Variants in DCC observed in about 807,000 individuals in gnomAD.
DCC encodes DCC netrin 1 receptor.
DCC carries 58 observed loss-of-function variants against 172.5 expected under a neutral mutation model. The ratio of observed to expected loss-of-function variants is 0.34; its 90% confidence interval spans 0.27 to 0.42. The LOEUF (loss-of-function observed/expected upper bound fraction) is 0.42. Among genes scored for constraint, DCC ranks in the 10% least tolerant of loss-of-function variants. DCC has a pLI of 1.00. For synonymous variants in DCC, 709 were observed against 644.5 expected, an observed-to-expected ratio of 1.10 and a Z score of -1.52; for missense variants, 1,740 against 1,791.0, an observed-to-expected ratio of 0.97 and a Z score of 0.51.
intron 2 of DCC, among the ~76,000 whole-genome samples, chr18:52,783,734 TAC>T (rs1383280713): frequency 1.3e-5 from 2 of 151,964 alleles, no homozygotes. Context: ...TGTGTGTATG[TAC>T]ACACACACTT....
chr18:52,711,645 T>C (rs1388803712), intron 1 of DCC, among the ~76,000 whole-genome samples: 4 of 152,280 alleles, frequency 2.6e-5, no homozygotes, highest in Middle Eastern at 3.4e-3. Flanking sequence ...CTTAAAACCA[T>C]AGCCCCTTTG....
Position 53,090,698 on chromosome 18 carries a change from CAAAAAAAAAAAAAAAAAAA to C in DCC, c.1261+24550_1261+24568del, listed in dbSNP as rs59898050. Among the ~76,000 whole-genome samples, 109 of 39,360 alleles carry C rather than the reference CAAAAAAAAAAAAAAAAAAA, an allele frequency of 2.8e-3. 2 individuals carry two copies. The highest frequency in any genetic ancestry group is 0.014 in the South Asian group (14 of 1,026). The allele number at this position is 39,360 out of a possible 152,430, so 25.8% of individuals were successfully genotyped here. On this transcript the variant is annotated intron_variant, in intron 7 of 28. Coordinates refer to ENST00000442544, the MANE Select transcript of DCC (RefSeq NM_005215.4). ...GACAGAGCGAAACTCCGTCCCCCAACAAAAAAAAAAAAAAAAAAAAAAAAAAAAAAAAAAAAGAATGTAT... is the reference window on the plus strand; with the variant it reads ...GACAGAGCGAAACTCCGTCCCCCAACAAAAAAAAAAAAAAAAAGAATGTAT...
intron 12 of DCC, among the ~76,000 whole-genome samples, chr18:53,262,929 G>T (rs2056622949): frequency 6.6e-6 from 1 of 152,088 alleles, no homozygotes; most frequent in African/African-American, 2.4e-5. Context: ...AAATATTAGT[G>T]ATTTTGTAAA....
intron 1 of DCC, among the ~76,000 whole-genome samples, chr18:52,605,694 A>T (rs1056927146): frequency 1.4e-4 from 22 of 152,126 alleles, no homozygotes; most frequent in Non-Finnish European, 2.5e-4. Flanking sequence ...CAGTTGGATG[A>T]TATTGCTATC....
chr18:53,075,602 T>G (rs2042715446), intron 7 of DCC, among the ~76,000 whole-genome samples: 1 of 151,814 alleles, frequency 6.6e-6, no homozygotes, highest in African/African-American at 2.4e-5. Context: ...AGAATGCTGG[T>G]TTTTATATTG....
chr18:52,943,904 G>C (rs574809324), intron 5 of DCC, among the ~76,000 whole-genome samples: 1 of 152,064 alleles, frequency 6.6e-6, no homozygotes, highest in South Asian at 2.1e-4. Flanking sequence ...TGCCTGCCAC[G>C]ACAACCGGCT....
chr18:53,308,455 AGTT>A (rs33960353), intron 13 of DCC, among the ~76,000 whole-genome samples: 20,319 of 151,968 alleles, frequency 0.13, 2,183 homozygotes, highest in African/African-American at 0.29. Flanking sequence ...AAAAACAATA[AGTT>A]AAAAATATTA....
chr18:52,920,468 T>C (rs571295766), intron 3 of DCC, among the ~76,000 whole-genome samples: 4 of 151,714 alleles, frequency 2.6e-5, no homozygotes, highest in African/African-American at 9.7e-5. Context: ...CATTAGGCAA[T>C]TGCAACTTAA....
intron 1 of DCC, among the ~76,000 whole-genome samples, chr18:52,508,350 C>T (rs911075214): frequency 1.3e-5 from 2 of 152,172 alleles, no homozygotes; most frequent in South Asian, 4.1e-4. Context: ...ATACCTAATT[C>T]TCCACAAAAG....
intron 1 of DCC, among the ~76,000 whole-genome samples, chr18:52,483,117 A>G (rs1006089298): frequency 1.3e-5 from 2 of 151,942 alleles, no homozygotes; most frequent in African/African-American, 2.4e-5. Context: ...CCCTCTTCAT[A>G]TGGCCTTCTC....
intron 24 of DCC, among the ~76,000 whole-genome samples, chr18:53,460,548 T>C (rs1261195095): frequency 1.3e-5 from 2 of 151,488 alleles, no homozygotes; most frequent in Non-Finnish European, 2.9e-5. Context: ...TTTTTGTTCT[T>C]GTCATAGTTT....
At chr18:53,213,071 C>T (rs2055783352) in intron 11 of DCC, among the ~76,000 whole-genome samples, 1 of 152,222 alleles carries the variant, frequency 6.6e-6, no homozygotes, top group Non-Finnish European at 1.5e-5. Flanking sequence ...TTAAAGTTTT[C>T]TTGGCTTTCT....
intron 1 of DCC, among the ~76,000 whole-genome samples, chr18:52,360,287 G>A (rs1026894096): frequency 1.3e-5 from 2 of 152,190 alleles, no homozygotes; most frequent in African/African-American, 4.8e-5. Flanking sequence ...ACAGCTTCAT[G>A]CACTTTAATT....
intron 7 of DCC, among the ~76,000 whole-genome samples, chr18:53,100,252 G>A (rs1001162427): frequency 1.8e-4 from 27 of 151,856 alleles, no homozygotes; most frequent in African/African-American, 5.6e-4. Context: ...CAGCCACTTA[G>A]GAGACTTTCC....
At chr18:53,079,911 TCA>T (rs1277122863) in intron 7 of DCC, among the ~76,000 whole-genome samples, 3 of 152,158 alleles carry the variant, frequency 2.0e-5, no homozygotes, top group Non-Finnish European at 4.4e-5. Context: ...AGGGGCTGGA[TCA>T]CAGAGTATCT....
chr18:53,129,287 ACTTTT>A (rs2043617076), intron 7 of DCC, among the ~76,000 whole-genome samples: 1 of 151,944 alleles, frequency 6.6e-6, no homozygotes. Context: ...CTACCCTCGC[ACTTTT>A]CTTTCTTCAT....
At chr18:53,238,069 G>C (rs1256213071) in intron 12 of DCC, among the ~76,000 whole-genome samples, 1 of 152,134 alleles carries the variant, frequency 6.6e-6, no homozygotes, top group East Asian at 1.9e-4. Context: ...AAACTTTGTA[G>C]ATGTCAGGGG....
intron 1 of DCC, among the ~76,000 whole-genome samples, chr18:52,421,763 C>A (rs1987257476): frequency 6.6e-6 from 1 of 152,140 alleles, no homozygotes; most frequent in Non-Finnish European, 1.5e-5. Context: ...GAGAGAGAGA[C>A]CAACAGAATG....
chr18:53,325,882 T>A (rs983352403), intron 14 of DCC, among the ~76,000 whole-genome samples: 1 of 152,152 alleles, frequency 6.6e-6, no homozygotes, highest in African/African-American at 2.4e-5. Context: ...AGAAAAGATT[T>A]CATAAAAACA....
Sources: gnomAD v4.1 joint callset for allele counts (sites outside exome capture counted in the v4.1 genomes callset) on GRCh38, gnomAD v4.1.1 for gene constraint, MANE v1.5 for transcripts, NCBI Gene and HGNC (gene_info 2026-07-23, HGNC 2026-07-21) for gene names.